DLEC1: variants seen among roughly 807,000 people sequenced by gnomAD.
DLEC1 encodes DLEC1 cilia and flagella associated protein, also known as deleted in lung and esophageal cancer protein 1.
DLEC1 carries 146 observed loss-of-function variants against 198.1 expected under a neutral mutation model. The ratio of observed to expected loss-of-function variants is 0.74; its 90% CI spans 0.64 to 0.85. The LOEUF is 0.85. Among genes scored for constraint, DLEC1 ranks in the 40% least tolerant of loss-of-function variants. DLEC1 has a pLI of 0.00. For synonymous variants in DLEC1, 897 were observed against 866.8 expected (o/e 1.03, Z -0.61); for missense variants, 2,233 against 2,220.0 (o/e 1.01, Z -0.12).
chr3:38,117,659 G>C, intron 32 of DLEC1, 48 bp downstream of exon 32: 1 of 1,613,118 alleles, frequency 6.2e-7, no homozygotes, highest in Non-Finnish European at 8.5e-7. Flanking sequence ...CTGGACCTCA[G>C]ATGTCTCTGT....
At chr3:38,061,581 C>T (rs1696689801) in intron 3 of DLEC1, among the ~76,000 whole-genome samples, 1 of 152,208 alleles carries the variant, frequency 6.6e-6, no homozygotes, top group South Asian at 2.1e-4. Flanking sequence ...GGTATGTGTA[C>T]AGGCATGTGT....
At chr3:38,108,246 G>T (rs1043094698) in intron 20 of DLEC1, among the ~76,000 whole-genome samples, 159 bp from the exon 21 acceptor site, 5 of 152,226 alleles carry the variant, frequency 3.3e-5, no homozygotes, top group Non-Finnish European at 7.3e-5. Flanking sequence ...GGGACCCGTG[G>T]TTTATCCCCA....
intron 6 of DLEC1, among the ~76,000 whole-genome samples, chr3:38,068,176 TCA>T (rs752387543): frequency 9.9e-5 from 15 of 152,152 alleles, no homozygotes; most frequent in African/African-American, 1.4e-4. Context: ...TACAAACAAG[TCA>T]CTAAGGTTCA....
At chr3:38,065,691 C>A (rs754708639) in intron 6 of DLEC1, among the ~76,000 whole-genome samples, 77 of 152,326 alleles carry the variant, frequency 5.1e-4, no homozygotes, top group Non-Finnish European at 9.8e-4. Context: ...CATAGTACCA[C>A]TGTCACACCC....
chr3:38,123,504 A>C lies in DLEC1; in HGVS notation c.*1092A>C. On this transcript the variant is annotated 3_prime_UTR_variant, in exon 37 of 37. Transcript: ENST00000308059. Reference sequence around the variant, plus strand: ...AAAGTCTAAAATCCTGAAAATCACAATCCTAAAAGATCAAAATCCTGAAAA... The same window carrying C: ...AAAGTCTAAAATCCTGAAAATCACACTCCTAAAAGATCAAAATCCTGAAAA... 5.6e-6 allele frequency: 1 copy of C among 178,824 alleles called. No individual in the cohort carries two copies. Among genetic ancestry groups the C allele is most frequent in the Non-Finnish European group, 1.2e-5 (1 of 85,026 alleles). The allele number at this position is 178,824 out of a possible 1,614,324, so 11.1% of individuals were successfully genotyped here. A position where few individuals can be genotyped will look rare whatever the true frequency, so the allele number is the denominator to read the frequency against.
In DLEC1 at chr3:38,039,402, C is replaced by A. The variant is rs751255103; in HGVS notation, c.177C>A (p.Phe59Leu). ...ACTCTGAGGCCTTCCACTACAGCTT[C>A]GCAGCCCGGCCCCGCCGCCTCACGC... Reference protein sequence around the residue: ...LAYSEAFHYSFAARPRRLTQL... With the variant: ...LAYSEAFHYSLAARPRRLTQL... Residue 59 changes from phenylalanine to leucine, a missense_variant, in exon 1 of 37, where the codon TTC becomes TTA. Physicochemically the swap from Phe to Leu is conservative, Grantham distance 22. Transcript: ENST00000308059. 7 of 1,614,056 alleles carry A rather than the reference C, an allele frequency of 4.3e-6. 1 individual carries two copies. In the South Asian group the frequency reaches 7.7e-5, roughly 18 times the overall value.
At chr3:38,093,028 G>A in intron 11 of DLEC1, 148 bp downstream of exon 11, 6 of 780,178 alleles carry the variant, frequency 7.7e-6, no homozygotes, top group Admixed American at 2.2e-5. Context: ...CCAGGTGCCA[G>A]AGTCTCGTTT....
rs757052939 is a variant in DLEC1, at chr3:38,120,578, T to C, written c.4835T>C (p.Leu1612Pro). The C allele has an allele frequency of 6.2e-7, 1 of 1,613,808 alleles. No individual in the cohort carries two copies. The change falls in exon 34 of 37, where the codon CTG becomes CCG. Residue 1612 changes from leucine to proline, a missense_variant. Leu to Pro is a moderately conservative substitution (Grantham distance 98). Transcript: ENST00000308059. ...GEREMVFTQNLLLEYTNQTTQ... is the reference protein window; with the variant it reads ...GEREMVFTQNPLLEYTNQTTQ... ...AGAGAGATGGTGTTTACTCAGAACC[T>C]GCTCCTGGAGTACACCAACCAGACC...
chr3:38,096,443 G>T, intron 14 of DLEC1, 126 bp from the exon 15 acceptor site: 2 of 1,117,532 alleles, frequency 1.8e-6, no homozygotes, highest in East Asian at 4.8e-5. Context: ...GATTTAGGGG[G>T]CTCAGGAGCT....
At chr3:38,108,596 A>G (rs1332177402) in intron 21 of DLEC1, 81 bp downstream of exon 21, 6 of 1,102,362 alleles carry the variant, frequency 5.4e-6, no homozygotes, top group Non-Finnish European at 8.1e-6. Flanking sequence ...GGGAGGCCCT[A>G]GCTTAGGCCA....
chr3:38,070,510 G>A (rs566649100), intron 6 of DLEC1, among the ~76,000 whole-genome samples: 2 of 152,326 alleles, frequency 1.3e-5, no homozygotes, highest in Admixed American at 6.5e-5. Flanking sequence ...GCACGTCCGT[G>A]TGAAGAGACT....
In DLEC1 at chr3:38,116,845, G is replaced by A; in HGVS notation, c.4135G>A (p.Gly1379Arg). The change falls in exon 29 of 37, where the codon GGG (glycine) becomes AGG (arginine). Residue 1379 changes from glycine (G) to arginine (R), a missense_variant. By Grantham distance (125) the Gly-to-Arg change is moderately radical. Coordinates refer to ENST00000308059, the MANE Select transcript of DLEC1 (RefSeq NM_007335.4). ...LISVILQAHE[G>R]VPSGHLYCIS... is the part of the protein sequence containing the mutation. ...CTCAGTCATCCTGCAGGCACATGAG[G>A]GGGTGCCCTCCGGCCACCTGTACTG... The A allele has an allele frequency of 6.2e-7, 1 of 1,613,792 alleles. No homozygotes were observed. Among genetic ancestry groups the A allele is most frequent in the Non-Finnish European group, 8.5e-7 (1 of 1,179,902 alleles).
intron 21 of DLEC1, 65 bp from the exon 22 acceptor site, chr3:38,109,367 G>A: frequency 1.3e-6 from 2 of 1,598,486 alleles, no homozygotes; most frequent in Non-Finnish European, 1.7e-6. Flanking sequence ...TGCTGCGGAA[G>A]ACCATCTGGG....
chr3:38,093,442 A>G (rs1698842870), intron 11 of DLEC1, among the ~76,000 whole-genome samples, 163 bp from the exon 12 acceptor site: 2 of 152,272 alleles, frequency 1.3e-5, no homozygotes, highest in African/African-American at 4.8e-5. Context: ...ATGTGAGAAC[A>G]TTAACCTGTG....
rs1223089020 is a variant in DLEC1, at chr3:38,082,193, C to T, written c.1174-1965C>T. Among the ~76,000 whole-genome samples the T allele has an allele frequency of 8.7e-3, 990 of 113,180 alleles. 20 individuals are homozygous for T. Among genetic ancestry groups the T allele is most frequent in the African/African-American group, 0.034 (935 of 27,764 alleles). The allele number at this position is 113,180 out of a possible 152,430, so 74.3% of individuals were successfully genotyped here. A position where few individuals can be genotyped will look rare whatever the true frequency, so the allele number is the denominator to read the frequency against. The stretch of plus-strand genomic sequence containing the variant: ...GCAGAGGCGCTCCCCACATCTCAGA[C>T]GATGGGCGGCCGGGCAGAGACGCTC... On this transcript the variant is annotated intron_variant, in intron 6 of 36. Coordinates refer to ENST00000308059, the MANE Select transcript of DLEC1 (RefSeq NM_007335.4).
chr3:38,116,922 A>T (rs1490465865), intron 29 of DLEC1, 33 bp downstream of exon 29: 1 of 1,612,154 alleles, frequency 6.2e-7, no homozygotes, highest in East Asian at 2.2e-5. Flanking sequence ...AGCTGTCTGC[A>T]TTGGCCGGCC....
chr3:38,084,070 C>G (rs1439026297), intron 6 of DLEC1, 88 bp from the exon 7 acceptor site: 1 of 1,316,118 alleles, frequency 7.6e-7, no homozygotes, highest in Non-Finnish European at 1.1e-6. Flanking sequence ...ACCTCTACCC[C>G]CTTCTCATAT....
chr3:38,042,161 T>G (rs1357229084), intron 1 of DLEC1, among the ~76,000 whole-genome samples: 2 of 151,794 alleles, frequency 1.3e-5, no homozygotes, highest in African/African-American at 4.8e-5. Context: ...CCTGGCTAAT[T>G]TTTGTATTTT....
At chr3:38,071,070 G>A (rs1020963607) in intron 6 of DLEC1, among the ~76,000 whole-genome samples, 12 of 152,190 alleles carry the variant, frequency 7.9e-5, no homozygotes, top group Admixed American at 6.5e-4. Context: ...CGGGATTGGG[G>A]CAGCGTGGGA....
Sources: allele counts gnomAD v4.1 joint callset (sites outside exome capture counted in the v4.1 genomes callset), GRCh38; gene constraint gnomAD v4.1.1; transcripts MANE v1.5; gene names NCBI Gene and HGNC (gene_info 2026-07-23, HGNC 2026-07-21).